The following MCC variants were observed in gnomAD, a reference collection of about 807,000 sequenced individuals.
The protein encoded by MCC is colorectal mutant cancer protein.
MCC carries 90 observed loss-of-function variants against 116.2 expected under a neutral mutation model. The observed-to-expected ratio is 0.77, with a 90% CI of 0.65 to 0.92. The LOEUF (loss-of-function observed/expected upper bound fraction) is 0.92. MCC is among the 40% of genes least tolerant of loss of function. MCC has a pLI of 0.00. For synonymous variants in MCC, 578 were observed against 510.5 expected, an observed-to-expected ratio of 1.13 and a Z score of -1.78; for missense variants, 1,516 against 1,312.2, an observed-to-expected ratio of 1.16 and a Z score of -2.40.
chr5:113,258,623 T>C (rs1398169979), intron 3 of MCC, among the ~76,000 whole-genome samples: 1 of 152,228 alleles, frequency 6.6e-6, no homozygotes, highest in Non-Finnish European at 1.5e-5. Context: ...CCCCTGCCAC[T>C]GTCTGTGGAA....
In MCC at chr5:113,126,833, C is replaced by G. The variant is rs186995271; in HGVS notation, c.885-4007G>C. Among the ~76,000 whole-genome samples, 28 of 152,218 alleles carry G rather than the reference C, an allele frequency of 1.8e-4. No homozygotes were observed. The East Asian group carries it at 5.2e-3, about 28-fold the overall frequency. On this transcript the variant is annotated intron_variant, in intron 5 of 18. Transcript: ENST00000408903. ...AGCTATGTGTGGATTTTTAACTGCA[C>G]AGTGTAGGGGTTGGTGCCACTATCC...
chr5:113,123,981 G>A (rs1270065866), intron 5 of MCC, among the ~76,000 whole-genome samples: 1 of 152,188 alleles, frequency 6.6e-6, no homozygotes, highest in Non-Finnish European at 1.5e-5. Context: ...AGGGAGGCAA[G>A]CGGGAGACAC....
At chr5:113,345,759 C>G (rs746639602) in intron 2 of MCC, among the ~76,000 whole-genome samples, 3 of 152,344 alleles carry the variant, frequency 2.0e-5, no homozygotes, top group Admixed American at 1.3e-4. Flanking sequence ...CCAAGAAGGA[C>G]AGGCACAGAC....
intron 1 of MCC, among the ~76,000 whole-genome samples, chr5:113,387,625 T>C (rs182469437): frequency 6.6e-6 from 1 of 152,332 alleles, no homozygotes; most frequent in East Asian, 1.9e-4. Flanking sequence ...TATTCTCTGA[T>C]TGGTAAAAAT....
In MCC at chr5:113,434,320, T is replaced by C; in HGVS notation, c.171-49108A>G. 1 of 1,613,908 alleles carries C rather than the reference T, an allele frequency of 6.2e-7. No individual in the cohort carries two copies. The highest frequency in any genetic ancestry group is 8.5e-7 in the Non-Finnish European group (1 of 1,179,890). On this transcript the variant is annotated intron_variant, in intron 1 of 18. Transcript: ENST00000408903. The surrounding 1 kb of genome is among the most constrained non-coding windows in gnomAD (Gnocchi z 4.2). ...GCATACGCTGGTGACCCACAGAAGG[T>C]CTTGCTTAATGCCATTCGACCACTG...
chr5:113,073,316 C>G (rs141806401), intron 11 of MCC, among the ~76,000 whole-genome samples: 1 of 152,336 alleles, frequency 6.6e-6, no homozygotes, highest in African/African-American at 2.4e-5. Flanking sequence ...CTGGCCCCAT[C>G]CTGCCAGAGC....
At chr5:113,466,610 T>C (rs1305845941) in intron 1 of MCC, among the ~76,000 whole-genome samples, 2 of 152,214 alleles carry the variant, frequency 1.3e-5, no homozygotes, top group African/African-American at 2.4e-5. Flanking sequence ...TGGTTCCAAG[T>C]CTTTGCTATT....
At chr5:113,338,817 G>T (rs1276398674) in intron 3 of MCC, among the ~76,000 whole-genome samples, 2 of 152,198 alleles carry the variant, frequency 1.3e-5, no homozygotes, top group African/African-American at 4.8e-5. Context: ...AGGATAGTTA[G>T]AGTTCTACTC....
chr5:113,347,471 C>T (rs1768163269), intron 2 of MCC, among the ~76,000 whole-genome samples: 1 of 151,842 alleles, frequency 6.6e-6, no homozygotes, highest in Admixed American at 6.6e-5. Flanking sequence ...GCACATTGTG[C>T]ACATGTACCC....
intron 1 of MCC, among the ~76,000 whole-genome samples, chr5:113,441,990 C>T (rs918794388): frequency 6.6e-5 from 10 of 152,136 alleles, no homozygotes; most frequent in Non-Finnish European, 7.4e-5. Flanking sequence ...GATTTATAAT[C>T]CTTTGGGTAT....
At chr5:113,234,671 T>A (rs188299724) in intron 3 of MCC, 1 of 152,324 alleles carries the variant, frequency 6.6e-6, no homozygotes, top group Admixed American at 6.5e-5. Context: ...ATATTATATA[T>A]AGAAAACAAC....
At chr5:113,381,822 G>A (rs1048209233) in intron 2 of MCC, among the ~76,000 whole-genome samples, 7 of 152,032 alleles carry the variant, frequency 4.6e-5, no homozygotes, top group African/African-American at 1.7e-4. Context: ...GGGACCACAA[G>A]AAATCATCTA....
chr5:113,063,950 C>T, intron 14 of MCC, 34 bp downstream of exon 14: 1 of 1,581,798 alleles, frequency 6.3e-7, no homozygotes, highest in Non-Finnish European at 8.6e-7. Context: ...CATGTGGACA[C>T]ACGCCCACCC....
intron 1 of MCC, among the ~76,000 whole-genome samples, chr5:113,396,212 C>T (rs535737845): frequency 2.6e-5 from 4 of 152,204 alleles, no homozygotes; most frequent in Admixed American, 6.5e-5. Context: ...CCTGTAGTCC[C>T]GGCTACTTGG....
At chr5:113,141,014 G>C (rs902821022) in intron 5 of MCC, among the ~76,000 whole-genome samples, 1 of 152,202 alleles carries the variant, frequency 6.6e-6, no homozygotes, top group African/African-American at 2.4e-5. Context: ...ACTGGTGTGT[G>C]AGTTGTTGGA....
intron 3 of MCC, among the ~76,000 whole-genome samples, chr5:113,152,043 T>A (rs1203533491): frequency 6.6e-6 from 1 of 152,206 alleles, no homozygotes; most frequent in African/African-American, 2.4e-5. Context: ...GATGCTTATG[T>A]GCTAGCAGGC....
intron 3 of MCC, among the ~76,000 whole-genome samples, chr5:113,213,096 T>G (rs574710093): frequency 6.6e-6 from 1 of 152,342 alleles, no homozygotes; most frequent in Admixed American, 6.5e-5. Context: ...CTACAGGATT[T>G]TGATAAGCCA....
At chr5:113,274,521 G>A (rs764104665) in intron 3 of MCC, among the ~76,000 whole-genome samples, 4 of 151,982 alleles carry the variant, frequency 2.6e-5, no homozygotes, top group African/African-American at 4.8e-5. Context: ...CACCACACCC[G>A]GCTAATTTTT....
intron 3 of MCC, among the ~76,000 whole-genome samples, chr5:113,329,631 C>T (rs1297762773): frequency 6.6e-6 from 1 of 152,136 alleles, no homozygotes; most frequent in African/African-American, 2.4e-5. Context: ...GTCCAACAAC[C>T]AAAAGTAATT....
Sources: allele counts gnomAD v4.1 joint callset (sites outside exome capture counted in the v4.1 genomes callset), GRCh38; gene constraint gnomAD v4.1.1; non-coding constraint Gnocchi (gnomAD v3.1); transcripts MANE v1.5; gene names NCBI Gene and HGNC (gene_info 2026-07-23, HGNC 2026-07-21).